CNTNAP5: variants seen among roughly 807,000 people sequenced by gnomAD.
CNTNAP5 encodes the protein contactin-associated protein-like 5.
In CNTNAP5, 72 loss-of-function variants were observed where a neutral mutation model predicts 150.2. That is an observed-to-expected ratio of 0.48 (90% CI 0.40 to 0.58). The LOEUF (loss-of-function observed/expected upper bound fraction) is 0.58. Among genes scored for constraint, CNTNAP5 ranks in the 20% least tolerant of loss-of-function variants. The pLI, the probability that CNTNAP5 is intolerant of heterozygous loss-of-function variation, is 0.00. For synonymous variants in CNTNAP5, 672 were observed against 619.8 expected (o/e 1.08, Z -1.25); for missense variants, 1,636 against 1,626.2 (o/e 1.01, Z -0.10).
chr2:124,356,254 C>A (rs986582283), intron 3 of CNTNAP5, among the ~76,000 whole-genome samples: 1 of 151,012 alleles, frequency 6.6e-6, no homozygotes, highest in African/African-American at 2.4e-5. Context: ...TATCTTAACA[C>A]TTTACTTTAG....
chr2:124,453,132 C>A (rs923790743), intron 6 of CNTNAP5, among the ~76,000 whole-genome samples: 1 of 151,714 alleles, frequency 6.6e-6, no homozygotes, highest in Admixed American at 6.6e-5. Context: ...AAAAAAAAAT[C>A]ATGCAAGAAG....
intron 21 of CNTNAP5, among the ~76,000 whole-genome samples, chr2:124,883,499 C>T (rs1276736174): frequency 3.9e-5 from 6 of 152,012 alleles, no homozygotes; most frequent in Admixed American, 6.6e-5. Context: ...CTTTTATACA[C>T]GGAGACACCA....
intron 1 of CNTNAP5, among the ~76,000 whole-genome samples, chr2:124,025,973 G>T (rs192156775): frequency 6.6e-6 from 1 of 152,094 alleles, no homozygotes; most frequent in Admixed American, 6.5e-5. Context: ...ATAAGGAAAG[G>T]TTTCTCTTCC....
chr2:124,423,652 CTTTTTTT>C (rs1187961580), intron 4 of CNTNAP5, among the ~76,000 whole-genome samples: 1,080 of 41,500 alleles, frequency 0.026, 9 homozygotes, highest in African/African-American at 0.099. Context: ...GGCTAATTAA[CTTTTTTT>C]TTTTTTTTTT....
chr2:124,337,630 A>C (rs1410668282), intron 3 of CNTNAP5, among the ~76,000 whole-genome samples: 5 of 152,188 alleles, frequency 3.3e-5, no homozygotes, highest in Non-Finnish European at 7.3e-5. Context: ...TTAAATAGGG[A>C]ATCATTTCCC....
At chr2:124,794,350 C>G (rs967658147) in intron 18 of CNTNAP5, among the ~76,000 whole-genome samples, 1 of 152,162 alleles carries the variant, frequency 6.6e-6, no homozygotes, top group African/African-American at 2.4e-5. Context: ...AGGACTCTTT[C>G]ACAGGGAGTC....
At chr2:124,779,137 A>G (rs1426300884) in intron 17 of CNTNAP5, among the ~76,000 whole-genome samples, 1 of 152,186 alleles carries the variant, frequency 6.6e-6, no homozygotes, top group Non-Finnish European at 1.5e-5. Context: ...GACAGTCTTC[A>G]TCTGTCTGCA....
intron 17 of CNTNAP5, among the ~76,000 whole-genome samples, chr2:124,782,171 C>A (rs1681466892): frequency 6.6e-6 from 1 of 151,946 alleles, no homozygotes; most frequent in African/African-American, 2.4e-5. Context: ...ATTTTTTATC[C>A]TTTTGTTTAT....
chr2:124,597,847 T>C (rs1474440897), intron 11 of CNTNAP5, among the ~76,000 whole-genome samples: 7 of 147,682 alleles, frequency 4.7e-5, no homozygotes, highest in African/African-American at 1.5e-4. Context: ...TCATTTCTTT[T>C]TATTCTTTTT....
At chr2:124,152,828 G>A (rs1053634940) in intron 1 of CNTNAP5, among the ~76,000 whole-genome samples, 9 of 152,208 alleles carry the variant, frequency 5.9e-5, no homozygotes, top group East Asian at 1.9e-4. Context: ...ATACTTCTCC[G>A]CTTGGCAATC....
At chr2:124,901,977 TGAGA>T (rs1219168638) in intron 21 of CNTNAP5, among the ~76,000 whole-genome samples, 1 of 152,160 alleles carries the variant, frequency 6.6e-6, no homozygotes, top group Admixed American at 6.5e-5. Context: ...TGCCAGTAGA[TGAGA>T]GAGTCCCTAC....
intron 3 of CNTNAP5, among the ~76,000 whole-genome samples, chr2:124,314,479 G>A (rs1254670228): frequency 6.6e-6 from 1 of 152,098 alleles, no homozygotes; most frequent in East Asian, 1.9e-4. Flanking sequence ...GACACATTGA[G>A]GCACCAATTG....
intron 12 of CNTNAP5, among the ~76,000 whole-genome samples, chr2:124,622,973 TA>T (rs1232304803): frequency 1.3e-5 from 2 of 152,196 alleles, no homozygotes; most frequent in Non-Finnish European, 2.9e-5. Flanking sequence ...TTTTATTTTA[TA>T]AGTGCACGAA....
intron 18 of CNTNAP5, among the ~76,000 whole-genome samples, chr2:124,796,750 A>G (rs1681855064): frequency 6.6e-6 from 1 of 152,226 alleles, no homozygotes; most frequent in Non-Finnish European, 1.5e-5. Context: ...GGAATTTGGA[A>G]CATTCCATAT....
intron 3 of CNTNAP5, among the ~76,000 whole-genome samples, chr2:124,269,649 C>A (rs559657305): frequency 1.3e-5 from 2 of 152,180 alleles, no homozygotes; most frequent in South Asian, 4.1e-4. Context: ...AAAGCAAATG[C>A]AGGTGGAACA....
chr2:124,350,530 C>T (rs1034502506), intron 3 of CNTNAP5, among the ~76,000 whole-genome samples: 1 of 151,108 alleles, frequency 6.6e-6, no homozygotes, highest in Non-Finnish European at 1.5e-5. Flanking sequence ...CTTTACACTT[C>T]TTCAATAAAT....
chr2:124,312,474 C>A (rs1341381045), intron 3 of CNTNAP5, among the ~76,000 whole-genome samples: 1 of 152,010 alleles, frequency 6.6e-6, no homozygotes, highest in Non-Finnish European at 1.5e-5. Flanking sequence ...AAGTGATTCT[C>A]CTGCCTCAGC....
chr2:124,553,366 C>T (rs1056963643), intron 10 of CNTNAP5, among the ~76,000 whole-genome samples: 4 of 151,918 alleles, frequency 2.6e-5, no homozygotes, highest in African/African-American at 9.7e-5. Flanking sequence ...TAGCTGGGCA[C>T]ACTGGCGCGT....
intron 21 of CNTNAP5, among the ~76,000 whole-genome samples, chr2:124,874,146 A>C (rs1449697972): frequency 6.6e-6 from 1 of 152,058 alleles, no homozygotes; most frequent in Non-Finnish European, 1.5e-5. Flanking sequence ...AAGAATGTTG[A>C]TGCTCAAATC....
Sources: allele counts gnomAD v4.1 joint callset (sites outside exome capture counted in the v4.1 genomes callset), GRCh38; gene constraint gnomAD v4.1.1; transcripts MANE v1.5; gene names NCBI Gene and HGNC (gene_info 2026-07-23, HGNC 2026-07-21).